DNM3: variants seen among roughly 807,000 people sequenced by gnomAD.
DNM3 encodes the protein dynamin 3, also known as dynamin-3.
Under a neutral mutation model 101.6 loss-of-function variants are expected in DNM3, and 47 were observed. The observed-to-expected ratio is 0.46, with a 90% CI of 0.37 to 0.59. The LOEUF is 0.59. DNM3 is among the 20% of genes least tolerant of loss of function. The pLI is 0.00. For missense variants in DNM3, 849 were observed against 1,085.7 expected (o/e 0.78, Z 3.06); for synonymous variants, 385 against 387.9 (o/e 0.99, Z 0.09).
chr1:172,247,102 C>G, intron 14 of DNM3, among the ~76,000 whole-genome samples: 1 of 152,004 alleles, frequency 6.6e-6, no homozygotes, highest in African/African-American at 2.4e-5. Flanking sequence ...ACTGTCCTGT[C>G]TTTGGACTGA....
At chr1:172,385,356 C>T (rs2069125878) in intron 18 of DNM3, among the ~76,000 whole-genome samples, 1 of 152,222 alleles carries the variant, frequency 6.6e-6, no homozygotes, top group African/African-American at 2.4e-5. Flanking sequence ...GCTGGCCCCT[C>T]ATTGCCAAGC....
At chr1:172,259,999 TTA>T (rs1452187549) in intron 15 of DNM3, among the ~76,000 whole-genome samples, 1 of 151,730 alleles carries the variant, frequency 6.6e-6, no homozygotes, top group East Asian at 1.9e-4. Flanking sequence ...TAAGTATTTC[TTA>T]TAGGGGTGGT....
intron 2 of DNM3, among the ~76,000 whole-genome samples, chr1:171,966,335 G>T (rs2043587265): frequency 6.6e-6 from 1 of 152,170 alleles, no homozygotes; most frequent in Non-Finnish European, 1.5e-5. Flanking sequence ...CTCTCTGAAA[G>T]GTCTCTCACT....
rs544820577 is a variant in DNM3 at position 172,342,162 on chromosome 1, A to T, written c.1893+18822A>T. 5.3e-5 allele frequency among the ~76,000 whole-genome samples: 8 copies of T among 152,328 alleles called. No homozygotes were observed. The South Asian group carries it at 1.7e-3, about 32-fold the overall frequency. On this transcript the variant is annotated intron_variant, in intron 17 of 20. Coordinates refer to ENST00000627582, the MANE Select transcript of DNM3 (RefSeq NM_015569.5). ...GGAATGTTCATACACTGATGGTGGG[A>T]ATGTAAATTAGTTCAACCATTGTGG...
intron 13 of DNM3, among the ~76,000 whole-genome samples, chr1:172,122,486 T>C (rs940201739): frequency 1.3e-5 from 2 of 152,150 alleles, no homozygotes; most frequent in Admixed American, 1.3e-4. Context: ...CAGGAGCCAA[T>C]CCCAGGTAGT....
chr1:172,386,320 A>C (rs558568908), intron 18 of DNM3, among the ~76,000 whole-genome samples: 182 of 152,174 alleles, frequency 1.2e-3, no homozygotes, highest in Non-Finnish European at 2.3e-3. Context: ...CTGGTGTCTT[A>C]GAGTTGATGA....
At chr1:171,873,342 C>G (rs2035468925) in intron 1 of DNM3, among the ~76,000 whole-genome samples, 1 of 151,908 alleles carries the variant, frequency 6.6e-6, no homozygotes, top group Non-Finnish European at 1.5e-5. Flanking sequence ...TATTTAAAAC[C>G]CTGAATTCAG....
chr1:172,254,232 T>C (rs1434963638), intron 15 of DNM3, among the ~76,000 whole-genome samples: 1 of 152,178 alleles, frequency 6.6e-6, no homozygotes, highest in Non-Finnish European at 1.5e-5. Flanking sequence ...AGTCTGTCTG[T>C]TCTTAAAGCT....
intron 15 of DNM3, among the ~76,000 whole-genome samples, chr1:172,272,623 C>T (rs916653773): frequency 6.6e-6 from 1 of 152,152 alleles, no homozygotes. Flanking sequence ...TTAGTTAGTA[C>T]TGATACCAGA....
intron 11 of DNM3, among the ~76,000 whole-genome samples, chr1:172,076,572 A>T (rs2052664837): frequency 6.6e-6 from 1 of 152,186 alleles, no homozygotes; most frequent in Admixed American, 6.5e-5. Context: ...TATTGAGATA[A>T]TCATGTGGTT....
intron 10 of DNM3, among the ~76,000 whole-genome samples, chr1:172,066,140 G>A (rs1382335450): frequency 6.6e-6 from 1 of 152,012 alleles, no homozygotes; most frequent in Admixed American, 6.6e-5. Flanking sequence ...AAGAATGTTG[G>A]TATTTGTAAG....
intron 14 of DNM3, among the ~76,000 whole-genome samples, chr1:172,190,065 G>T (rs2059655644): frequency 6.9e-6 from 1 of 145,710 alleles, no homozygotes; most frequent in African/African-American, 2.6e-5. Context: ...ACAACGTGCA[G>T]TTTGTTACAT....
intron 1 of DNM3, among the ~76,000 whole-genome samples, chr1:171,842,760 A>G (rs1432178821): frequency 6.6e-6 from 1 of 152,220 alleles, no homozygotes; most frequent in African/African-American, 2.4e-5. Flanking sequence ...ATACAGAAAC[A>G]GCTAAGGAAT....
chr1:172,253,393 T>C (rs1393489214), intron 14 of DNM3, among the ~76,000 whole-genome samples, 180 bp from the exon 15 acceptor site: 1 of 152,084 alleles, frequency 6.6e-6, no homozygotes, highest in Non-Finnish European at 1.5e-5. Flanking sequence ...TGGCATGTGA[T>C]GATATTATCA....
intron 14 of DNM3, chr1:172,138,844 G>C (rs1395871333): frequency 4.2e-6 from 2 of 475,986 alleles, no homozygotes; most frequent in South Asian, 3.1e-5. Flanking sequence ...CTGTACAGGT[G>C]AGCGGATGTT....
At chr1:172,091,761 T>C (rs2053926276) in intron 12 of DNM3, among the ~76,000 whole-genome samples, 1 of 152,118 alleles carries the variant, frequency 6.6e-6, no homozygotes, top group East Asian at 1.9e-4. Flanking sequence ...GCAGAAGAGT[T>C]AACATAGTCC....
rs2056122120 is a variant in DNM3, at chr1:172,119,044, G to A, written c.1546-12131G>A. Reference sequence around the variant, plus strand: ...TTTCACTCTTGTTGCCCAGGCTGGAGTACAATGGAGCAATCTTGGCTCACC... The same window carrying A: ...TTTCACTCTTGTTGCCCAGGCTGGAATACAATGGAGCAATCTTGGCTCACC... On this transcript the variant is annotated intron_variant, in intron 13 of 20. Coordinates refer to ENST00000627582, the MANE Select transcript of DNM3 (RefSeq NM_015569.5). 4.0e-5 allele frequency among the ~76,000 whole-genome samples: 6 copies of A among 150,978 alleles called. No homozygotes were observed. In the South Asian group the frequency reaches 1.3e-3, roughly 32 times the overall value.
In DNM3 at chr1:171,841,591, G is replaced by C; in HGVS notation, c.-66G>C. 6.4e-7 allele frequency: 1 copy of C among 1,553,572 alleles called. No homozygotes were observed. The highest frequency in any genetic ancestry group is 1.2e-5 in the South Asian group (1 of 84,598). ...CAGCAGCAGCAGCCAGGGCAGCGCG[G>C]CCCCTACTCCCTGTCAGGTCGTAGA... is the stretch of plus-strand genomic sequence containing the variant. On this transcript the variant is annotated 5_prime_UTR_variant, in exon 1 of 21. Coordinates refer to ENST00000627582, the MANE Select transcript of DNM3 (RefSeq NM_015569.5).
intron 14 of DNM3, among the ~76,000 whole-genome samples, chr1:172,143,438 T>C (rs1427246710): frequency 4.6e-5 from 7 of 152,170 alleles, no homozygotes; most frequent in East Asian, 3.9e-4. Flanking sequence ...ACAGATCACA[T>C]TGCAATCCAG....
Sources: allele counts gnomAD v4.1 joint callset (sites outside exome capture counted in the v4.1 genomes callset), GRCh38; gene constraint gnomAD v4.1.1; transcripts MANE v1.5; gene names NCBI Gene and HGNC (gene_info 2026-07-23, HGNC 2026-07-21).